CACNA1A: variants seen among roughly 807,000 people sequenced by gnomAD.
The protein encoded by CACNA1A is voltage-dependent P/Q-type calcium channel subunit alpha-1A.
Under a neutral mutation model 262.4 loss-of-function variants are expected in CACNA1A, and 57 were observed. The ratio of observed to expected loss-of-function variants is 0.22; its 90% CI spans 0.18 to 0.27. CACNA1A has a LOEUF of 0.27. CACNA1A is among the 10% of genes least tolerant of loss of function. The pLI is 1.00. For synonymous variants in CACNA1A, 1,431 were observed against 1,419.3 expected, an observed-to-expected ratio of 1.01 and a Z score of -0.18; for missense variants, 2,526 against 3,562.8, an observed-to-expected ratio of 0.71 and a Z score of 7.41.
In CACNA1A at chr19:13,305,122, G is replaced by T. The variant is rs182746677; in HGVS notation, c.1987-1238C>A. 1.8e-4 allele frequency among the ~76,000 whole-genome samples: 28 copies of T among 152,304 alleles called. No homozygotes were observed. In the East Asian group the frequency reaches 5.4e-3, roughly 29 times the overall value. ...AGGAGAAGTGAGAAAAGGGAAAAGAGGGTGGAACGTAAACAGTATGTGATC... is the reference window on the plus strand; with the variant it reads ...AGGAGAAGTGAGAAAAGGGAAAAGATGGTGGAACGTAAACAGTATGTGATC... On this transcript the variant is annotated intron_variant, in intron 15 of 46. Coordinates refer to ENST00000360228, the MANE Select transcript of CACNA1A (RefSeq NM_001127222.2).
chr19:13,291,801 T>C (rs1283943079), intron 19 of CACNA1A, among the ~76,000 whole-genome samples: 1 of 150,160 alleles, frequency 6.7e-6, no homozygotes, highest in African/African-American at 2.5e-5. Flanking sequence ...AGCAAGACTG[T>C]TTTTTTTTAA....
rs1447103387 is a variant in CACNA1A at position 13,208,873 on chromosome 19, C to T, written c.6663G>A (p.Pro2221=). ...GGGCATAGCGGTCCTTGTCGGGGGG[C>T]GGGGGATGGTGGTGGTGGTGGTGGT... is the stretch of plus-strand genomic sequence containing the variant. ...HHHHHHHHHP[P]PPDKDRYAQE... is the part of the protein sequence containing the mutation. Residue 2221 remains proline (P), a synonymous_variant, in exon 46 of 47, where the codon CCG becomes CCA. Coordinates refer to ENST00000360228, the MANE Select transcript of CACNA1A (RefSeq NM_001127222.2). 42 of 870,744 alleles carry T rather than the reference C, an allele frequency of 4.8e-5. No homozygotes were observed. Among genetic ancestry groups the T allele is most frequent in the South Asian group, 2.7e-4 (19 of 69,668 alleles). 53.9% of individuals were successfully genotyped at this position (870,744 alleles called of 1,614,324 possible). A position where few individuals can be genotyped will look rare whatever the true frequency, so the allele number is the denominator to read the frequency against.
At chr19:13,420,078 C>T (rs1191719192) in intron 3 of CACNA1A, among the ~76,000 whole-genome samples, 1 of 151,712 alleles carries the variant, frequency 6.6e-6, no homozygotes, top group Non-Finnish European at 1.5e-5. Flanking sequence ...GGGACTCTAT[C>T]TCAACATAAA....
rs370465781 is a variant in CACNA1A at position 13,227,407 on chromosome 19, C to T, written c.5625+24G>A. On this transcript the variant is annotated intron_variant, in intron 37 of 46. Transcript: ENST00000360228. ...AAAAAAAAACCCAGTGCCTGGACGTCGGTGGTCGGCAAGGGTAGTCTACCT... is the reference window on the plus strand; with the variant it reads ...AAAAAAAAACCCAGTGCCTGGACGTTGGTGGTCGGCAAGGGTAGTCTACCT... 24 of 1,320,696 alleles carry T rather than the reference C, an allele frequency of 1.8e-5. No homozygotes were observed. In the East Asian group the frequency reaches 2.7e-4, roughly 15 times the overall value. The allele number at this position is 1,320,696 out of a possible 1,614,324, so 81.8% of individuals were successfully genotyped here.
chr19:13,207,640 G>T lies in CACNA1A; in HGVS notation c.7194C>A (p.Ser2398=). ...ARWPASGPHV[S]EGPPGPRHHG... Reference sequence around the variant, plus strand: ...GGTGCCGGGGACCCGGGGGCCCCTCGGACACGTGCGGGCCAGATGCCGGCC... The same window carrying T: ...GGTGCCGGGGACCCGGGGGCCCCTCTGACACGTGCGGGCCAGATGCCGGCC... Residue 2398 remains serine (S), a synonymous_variant, in exon 47 of 47, where the codon TCC becomes TCA. Transcript: ENST00000360228. The surrounding 1 kb of genome is among the most constrained non-coding windows in gnomAD (Gnocchi z 5.7). 6.8e-7 allele frequency: 1 copy of T among 1,476,196 alleles called. No individual in the cohort carries two copies. The highest frequency in any genetic ancestry group is 9.0e-7 in the Non-Finnish European group (1 of 1,114,442). The allele number at this position is 1,476,196 out of a possible 1,614,324, so 91.4% of individuals were successfully genotyped here. A position where few individuals can be genotyped will look rare whatever the true frequency, so the allele number is the denominator to read the frequency against.
In CACNA1A at chr19:13,212,745, G is replaced by C. The variant is rs980741289; in HGVS notation, c.5941-5C>G. 1 of 1,480,794 alleles carries C rather than the reference G, an allele frequency of 6.8e-7. No individual in the cohort carries two copies. The highest frequency in any genetic ancestry group is 9.0e-7 in the Non-Finnish European group (1 of 1,109,268). 91.7% of individuals were successfully genotyped at this position (1,480,794 alleles called of 1,614,324 possible). On this transcript the variant is annotated splice_region_variant and splice_polypyrimidine_tract_variant and intron_variant, in intron 40 of 46. Coordinates refer to ENST00000360228, the MANE Select transcript of CACNA1A (RefSeq NM_001127222.2). This position sits in a 1 kb window ranked among gnomAD's most constrained non-coding sequence, Gnocchi z 5.6. Reference sequence around the variant, plus strand: ...GAACATGAGGGGTGTCCGGTCCTGGGGAATGGGGCAGAGAGCAGTGTGTGG... The same window carrying C: ...GAACATGAGGGGTGTCCGGTCCTGGCGAATGGGGCAGAGAGCAGTGTGTGG...
chr19:13,490,016 A>G (rs1599366191), intron 1 of CACNA1A, among the ~76,000 whole-genome samples: 1 of 152,016 alleles, frequency 6.6e-6, no homozygotes, highest in Non-Finnish European at 1.5e-5. Context: ...TATCAGCCAC[A>G]CCAGGGCGGG....
intron 6 of CACNA1A, among the ~76,000 whole-genome samples, chr19:13,347,500 C>T (rs1220644979): frequency 3.3e-5 from 5 of 152,146 alleles, no homozygotes; most frequent in Non-Finnish European, 4.4e-5. Context: ...CTACAGCCCG[C>T]GGGCCAGCCA....
chr19:13,389,250 C>T (rs759557238), intron 3 of CACNA1A, among the ~76,000 whole-genome samples: 17 of 152,148 alleles, frequency 1.1e-4, no homozygotes, highest in Admixed American at 3.9e-4. Flanking sequence ...GTCGGATATG[C>T]GGTCTGGAGC....
chr19:13,368,227 A>T (rs1418902820), intron 4 of CACNA1A, among the ~76,000 whole-genome samples: 1 of 151,924 alleles, frequency 6.6e-6, no homozygotes, highest in East Asian at 1.9e-4. Flanking sequence ...AGATGGTAGG[A>T]TTGCTTGAGT....
rs1044846043 is a variant in CACNA1A, at chr19:13,230,242, G to A, written c.5401-33C>T. 25 of 1,612,642 alleles carry A rather than the reference G, an allele frequency of 1.6e-5. No individual in the cohort carries two copies. In the South Asian group the frequency reaches 2.6e-4, roughly 17 times the overall value. On this transcript the variant is annotated intron_variant, in intron 35 of 46. Coordinates refer to ENST00000360228, the MANE Select transcript of CACNA1A (RefSeq NM_001127222.2). ...GACCCCGGGGACCAAGAGAGAATGG[G>A]GGCAGAGACCGAGGGAATGAATGAG...
intron 3 of CACNA1A, among the ~76,000 whole-genome samples, chr19:13,426,649 G>A (rs559766654): frequency 1.1e-4 from 16 of 152,324 alleles, no homozygotes; most frequent in East Asian, 1.9e-4. Flanking sequence ...CATAGTGGGC[G>A]TGGTTAATAG....
At chr19:13,388,644 G>C (rs1046112724) in intron 3 of CACNA1A, among the ~76,000 whole-genome samples, 22 of 152,110 alleles carry the variant, frequency 1.4e-4, no homozygotes, top group Non-Finnish European at 1.0e-4. Context: ...CTTTACCTTT[G>C]GTCTGTATGA....
At chr19:13,418,329 T>G (rs924310263) in intron 3 of CACNA1A, among the ~76,000 whole-genome samples, 3 of 152,080 alleles carry the variant, frequency 2.0e-5, no homozygotes, top group Non-Finnish European at 4.4e-5. Flanking sequence ...TAGTGGTGTG[T>G]GTACGTGGGA....
chr19:13,395,172 G>T (rs190917504), intron 3 of CACNA1A, among the ~76,000 whole-genome samples: 11 of 151,246 alleles, frequency 7.3e-5, no homozygotes, highest in Middle Eastern at 3.4e-3. Context: ...TACTTGGAAG[G>T]CTGAGGCAGG....
chr19:13,208,747 C>G lies in CACNA1A; in HGVS notation c.6780+9G>C, dbSNP rs763812565. ...AGCCCAGCCTGGGGTCACTTGCAGC[C>G]GCACCCACCTGCCGGTGCGCCATGT... is the stretch of plus-strand genomic sequence containing the variant. On this transcript the variant is annotated intron_variant, in intron 46 of 46. Transcript: ENST00000360228. The G allele has an allele frequency of 4.5e-6, 7 of 1,569,620 alleles. No individual in the cohort carries two copies. Among genetic ancestry groups the G allele is most frequent in the African/African-American group, 1.3e-5 (1 of 74,384 alleles).
At chr19:13,271,766 A>AT (rs34116026) in intron 24 of CACNA1A, 71,177 of 139,548 alleles carry the variant, frequency 0.51, 18,635 homozygotes, top group African/African-American at 0.64. Flanking sequence ...CCTCCTCAGC[A>AT]TTTTTTTTTT....
At chr19:13,288,865 C>T (rs2057468016) in intron 19 of CACNA1A, among the ~76,000 whole-genome samples, 1 of 152,206 alleles carries the variant, frequency 6.6e-6, no homozygotes, top group Non-Finnish European at 1.5e-5. Context: ...CCATTCTCCT[C>T]ATTTTATTTT....
At chr19:13,265,383 T>A (rs907641126) in intron 24 of CACNA1A, among the ~76,000 whole-genome samples, 1 of 152,254 alleles carries the variant, frequency 6.6e-6, no homozygotes, top group Non-Finnish European at 1.5e-5. Flanking sequence ...AACATCATTC[T>A]TCACACCATT....
Sources: gnomAD v4.1 joint callset for allele counts (sites outside exome capture counted in the v4.1 genomes callset) on GRCh38, gnomAD v4.1.1 for gene constraint, Gnocchi (gnomAD v3.1) non-coding constraint, MANE v1.5 for transcripts, NCBI Gene and HGNC (gene_info 2026-07-23, HGNC 2026-07-21) for gene names.